CACNA2D3: variants seen among roughly 807,000 people sequenced by gnomAD.
The protein encoded by CACNA2D3 is calcium voltage-gated channel auxiliary subunit alpha2delta 3, also known as voltage-dependent calcium channel subunit alpha-2/delta-3.
CACNA2D3 carries 60 observed loss-of-function variants against 160.6 expected under a neutral mutation model. The observed-to-expected ratio is 0.37, with a 90% CI of 0.30 to 0.46. The LOEUF (loss-of-function observed/expected upper bound fraction) is 0.46. Among genes scored for constraint, CACNA2D3 ranks in the 20% least tolerant of loss-of-function variants. CACNA2D3 has a pLI of 1.00. For missense variants in CACNA2D3, 1,205 were observed against 1,365.0 expected (o/e 0.88, Z 1.85); for synonymous variants, 558 against 492.9 (o/e 1.13, Z -1.75).
rs748180694 is a variant in CACNA2D3 at position 54,320,596 on chromosome 3, G to A, written c.321+38G>A. On this transcript the variant is annotated intron_variant, in intron 3 of 37. Transcript: ENST00000474759. Reference sequence around the variant, plus strand: ...GTTTTGTGCCCTGTATCGCCTGAAGGCACAAAGGCAGCTTCAGGGGATGGC... The same window carrying A: ...GTTTTGTGCCCTGTATCGCCTGAAGACACAAAGGCAGCTTCAGGGGATGGC... 3 of 1,146,368 alleles carry A rather than the reference G, an allele frequency of 2.6e-6. No individual in the cohort carries two copies. In the East Asian group the frequency reaches 8.3e-5, roughly 32 times the overall value. 71.0% of individuals were successfully genotyped at this position (1,146,368 alleles called of 1,614,324 possible).
chr3:54,789,867 C>T (rs202123245), intron 13 of CACNA2D3: 52 of 517,534 alleles, frequency 1.0e-4, no homozygotes, highest in South Asian at 2.1e-4. Flanking sequence ...CAGGTCAGGC[C>T]GAGCAAGTTA....
chr3:54,374,459 T>C lies in CACNA2D3; in HGVS notation c.322-12256T>C, dbSNP rs1575421355. ...CCTACCGTAGAAGACACAGCTTAGA[T>C]GGTGCTGAGAGTCAGCAGGCATTCT... On this transcript the variant is annotated intron_variant, in intron 3 of 37. Transcript: ENST00000474759. 2.0e-5 allele frequency among the ~76,000 whole-genome samples: 3 copies of C among 152,238 alleles called. No homozygotes were observed. In the South Asian group the frequency reaches 6.2e-4, roughly 32 times the overall value.
chr3:55,059,511 G>GC (rs1436499979), intron 35 of CACNA2D3, among the ~76,000 whole-genome samples: 1 of 152,224 alleles, frequency 6.6e-6, no homozygotes, highest in African/African-American at 2.4e-5. Flanking sequence ...ATGCAGACGG[G>GC]CAGGTGCAGG....
chr3:54,611,458 A>C (rs1320789679), intron 9 of CACNA2D3, among the ~76,000 whole-genome samples: 1 of 152,204 alleles, frequency 6.6e-6, no homozygotes, highest in Non-Finnish European at 1.5e-5. Flanking sequence ...CACCTTAGCC[A>C]GGTGCTCTTT....
intron 4 of CACNA2D3, among the ~76,000 whole-genome samples, chr3:54,426,382 T>C (rs773217395): frequency 6.6e-6 from 1 of 152,244 alleles, no homozygotes; most frequent in Admixed American, 6.5e-5. Flanking sequence ...TGTGTCATAA[T>C]ATTTGCCTTT....
chr3:54,903,943 G>T (rs1324552696), intron 27 of CACNA2D3, among the ~76,000 whole-genome samples: 2 of 152,170 alleles, frequency 1.3e-5, no homozygotes, highest in Non-Finnish European at 2.9e-5. Context: ...GTTCCTTATA[G>T]ATACTGGACA....
intron 35 of CACNA2D3, among the ~76,000 whole-genome samples, chr3:55,043,859 A>G (rs1165354785): frequency 6.6e-6 from 1 of 152,166 alleles, no homozygotes; most frequent in African/African-American, 2.4e-5. Context: ...TTCCATTATC[A>G]TTTGTTGAAA....
chr3:54,385,761 G>A, intron 3 of CACNA2D3: 1 of 355,352 alleles, frequency 2.8e-6, no homozygotes, highest in East Asian at 9.1e-5. Context: ...TTCACACGTG[G>A]CCTATTAAAC....
chr3:54,520,534 G>C (rs190417321), intron 5 of CACNA2D3, among the ~76,000 whole-genome samples: 21 of 152,352 alleles, frequency 1.4e-4, no homozygotes, highest in Middle Eastern at 3.4e-3. Context: ...GGTTGGAGCA[G>C]AGGCTCTCAT....
chr3:54,674,466 G>T (rs1050017774), intron 11 of CACNA2D3, among the ~76,000 whole-genome samples: 2 of 152,168 alleles, frequency 1.3e-5, no homozygotes, highest in Admixed American at 1.3e-4. Flanking sequence ...AAAAGTAGAA[G>T]GATGACCGGC....
At chr3:54,158,058 C>T (rs938231245) in intron 2 of CACNA2D3, among the ~76,000 whole-genome samples, 3 of 152,200 alleles carry the variant, frequency 2.0e-5, no homozygotes, top group Admixed American at 6.5e-5. Flanking sequence ...GAAGATTGCC[C>T]TGTCTCCTGT....
At chr3:54,359,761 G>A (rs1441635569) in intron 3 of CACNA2D3, among the ~76,000 whole-genome samples, 1 of 152,210 alleles carries the variant, frequency 6.6e-6, no homozygotes, top group African/African-American at 2.4e-5. Context: ...CACTTCCCAA[G>A]CACTTGTTAT....
chr3:54,932,595 T>G (rs750164101), intron 27 of CACNA2D3, among the ~76,000 whole-genome samples: 1 of 152,250 alleles, frequency 6.6e-6, no homozygotes, highest in Non-Finnish European at 1.5e-5. Flanking sequence ...AAATATAGCA[T>G]GCCTAGAGTT....
intron 3 of CACNA2D3, among the ~76,000 whole-genome samples, chr3:54,328,541 C>T (rs1230358887): frequency 6.6e-6 from 1 of 152,034 alleles, no homozygotes; most frequent in Non-Finnish European, 1.5e-5. Context: ...CTCGGCCTCC[C>T]AAAGTACTGG....
chr3:54,985,000 C>T (rs1702585120), intron 30 of CACNA2D3, among the ~76,000 whole-genome samples: 1 of 152,122 alleles, frequency 6.6e-6, no homozygotes, highest in Non-Finnish European at 1.5e-5. Flanking sequence ...GGGTGGGGTG[C>T]CTTAAATAGT....
chr3:54,238,336 G>C (rs1445608545), intron 2 of CACNA2D3, among the ~76,000 whole-genome samples: 2 of 152,126 alleles, frequency 1.3e-5, no homozygotes, highest in Non-Finnish European at 2.9e-5. Flanking sequence ...GCATATTAAG[G>C]AGGCAGAAGC....
chr3:54,752,552 T>C (rs1184089408), intron 11 of CACNA2D3, 47 bp from the exon 12 acceptor site: 4 of 1,352,652 alleles, frequency 3.0e-6, no homozygotes, highest in Non-Finnish European at 4.2e-6. Context: ...CTGTGCAGGA[T>C]GGCGAAAAGT....
chr3:54,832,011 T>TCATACACACAG lies in CACNA2D3; in HGVS notation c.1399-5146_1399-5145insTACACACAGCA, dbSNP rs373556430. Among the ~76,000 whole-genome samples the TCATACACACAG allele has an allele frequency of 3.4e-4, 40 of 118,950 alleles. 1 individual carries two copies. The highest frequency in any genetic ancestry group is 1.2e-3 in the African/African-American group (37 of 30,212). The allele number at this position is 118,950 out of a possible 152,430, so 78.0% of individuals were successfully genotyped here. A position where few individuals can be genotyped will look rare whatever the true frequency, so the allele number is the denominator to read the frequency against. The stretch of plus-strand genomic sequence containing the variant: ...TCCCTCTTTATCTCTCTCTTCTCTG[T>TCATACACACAG]CACACACACACACACACACACACAC... On this transcript the variant is annotated intron_variant, in intron 14 of 37. Coordinates refer to ENST00000474759, the MANE Select transcript of CACNA2D3 (RefSeq NM_018398.3).
At chr3:54,803,653 T>C in intron 13 of CACNA2D3, among the ~76,000 whole-genome samples, 1 of 152,156 alleles carries the variant, frequency 6.6e-6, no homozygotes, top group Non-Finnish European at 1.5e-5. Context: ...CCAGTAGAAC[T>C]TCCCCAATCT....
Sources: allele counts gnomAD v4.1 joint callset (sites outside exome capture counted in the v4.1 genomes callset), GRCh38; gene constraint gnomAD v4.1.1; transcripts MANE v1.5; gene names NCBI Gene and HGNC (gene_info 2026-07-23, HGNC 2026-07-21).